GALNT17: variants seen among roughly 807,000 people sequenced by gnomAD.
GALNT17 encodes UDP-GalNAc:polypeptide N-acetylgalactosaminyltransferase-like 3.
Under a neutral mutation model 63.7 loss-of-function variants are expected in GALNT17, and 29 were observed. That is an observed-to-expected ratio of 0.46 (90% CI 0.34 to 0.62). The LOEUF (loss-of-function observed/expected upper bound fraction) is 0.62, where lower values mean the gene tolerates loss of function less well. Among genes scored for constraint, GALNT17 ranks in the 20% least tolerant of loss-of-function variants. The probability of loss-of-function intolerance (pLI) is 0.01; values close to 1 mark genes in which losing one functional copy is unlikely to be tolerated. For synonymous variants in GALNT17, 305 were observed against 318.3 expected (o/e 0.96, Z 0.45); for missense variants, 603 against 799.6 (o/e 0.75, Z 2.97).
intron 5 of GALNT17, among the ~76,000 whole-genome samples, chr7:71,492,074 G>A (rs988763545): frequency 5.3e-5 from 8 of 152,164 alleles, no homozygotes; most frequent in Admixed American, 1.3e-4. Flanking sequence ...GAGGTCAGGA[G>A]ATCGAGACCA....
chr7:71,553,904 G>C (rs1056062157), intron 5 of GALNT17, among the ~76,000 whole-genome samples: 2 of 152,168 alleles, frequency 1.3e-5, no homozygotes, highest in African/African-American at 4.8e-5. Context: ...CTCTTAAATA[G>C]TGCCTGGAAG....
At position 71,165,616 on chromosome 7, in the gene GALNT17, A is replaced by G. The variant is rs146284735; in HGVS notation, c.238+32576A>G. Among the ~76,000 whole-genome samples the G allele has an allele frequency of 6.1e-3, 926 of 152,322 alleles. 11 individuals are homozygous for G. The highest frequency in any genetic ancestry group is 0.02 in the African/African-American group (840 of 41,574). On this transcript the variant is annotated intron_variant, in intron 1 of 10. Coordinates refer to ENST00000333538, the MANE Select transcript of GALNT17 (RefSeq NM_022479.3). ...TCCCACCGGGTCCCTCATGGGACAC[A>G]TGGGAATTATGGAAGCTACAATTCA... is the stretch of plus-strand genomic sequence containing the variant.
intron 5 of GALNT17, among the ~76,000 whole-genome samples, chr7:71,458,225 A>G (rs547617452): frequency 2.0e-5 from 3 of 152,336 alleles, no homozygotes; most frequent in Non-Finnish European, 4.4e-5. Context: ...TGTTTGCTCC[A>G]GAACATAGAA....
intron 1 of GALNT17, among the ~76,000 whole-genome samples, chr7:71,193,454 C>CTTTTTTTTTTTTTTTTTTTTTTTTT (rs1159902249): frequency 9.3e-6 from 1 of 107,320 alleles, no homozygotes; most frequent in African/African-American, 3.6e-5. Context: ...ACGCTTTTGT[C>CTTTTTTTTTTTTTTTTTTTTTTTTT]TTTTTTTTTT....
intron 1 of GALNT17, among the ~76,000 whole-genome samples, chr7:71,258,495 CTG>C (rs998478322): frequency 2.0e-5 from 3 of 152,144 alleles, no homozygotes; most frequent in Admixed American, 6.5e-5. Flanking sequence ...ACACTGGACT[CTG>C]AGGATCTAAG....
intron 1 of GALNT17, among the ~76,000 whole-genome samples, chr7:71,143,767 C>CGGTG (rs1269799620): frequency 6.6e-6 from 1 of 151,822 alleles, no homozygotes; most frequent in Admixed American, 6.6e-5. Context: ...GGGCAGGGCA[C>CGGTG]GGTGGCTCAC....
intron 5 of GALNT17, among the ~76,000 whole-genome samples, chr7:71,536,521 C>T (rs1183828065): frequency 6.6e-6 from 1 of 152,130 alleles, no homozygotes; most frequent in African/African-American, 2.4e-5. Context: ...AGGTGAAAGG[C>T]ACTTCTTACA....
In GALNT17 at chr7:71,244,628, A is replaced by C. The variant is rs1790060846; in HGVS notation, c.239-90922A>C. On this transcript the variant is annotated intron_variant, in intron 1 of 10. Coordinates refer to ENST00000333538, the MANE Select transcript of GALNT17 (RefSeq NM_022479.3). Reference sequence around the variant, plus strand: ...ACAACTTTGTGGAAATGAAGATTTTAGAATGAAGGCAGAGACTGGGATCCC... The same window carrying C: ...ACAACTTTGTGGAAATGAAGATTTTCGAATGAAGGCAGAGACTGGGATCCC... 2.0e-5 allele frequency among the ~76,000 whole-genome samples: 3 copies of C among 152,218 alleles called. No individual in the cohort carries two copies. The South Asian group carries it at 6.2e-4, about 31-fold the overall frequency.
At chr7:71,594,549 C>T (rs1008901961) in intron 6 of GALNT17, among the ~76,000 whole-genome samples, 21 of 152,018 alleles carry the variant, frequency 1.4e-4, no homozygotes, top group Non-Finnish European at 2.6e-4. Flanking sequence ...CTCAGTCTCC[C>T]GAAGTGTTCA....
chr7:71,150,388 G>A (rs536674175), intron 1 of GALNT17, among the ~76,000 whole-genome samples: 31 of 152,188 alleles, frequency 2.0e-4, no homozygotes, highest in African/African-American at 7.5e-4. Flanking sequence ...AGTTAGATAG[G>A]GCCATGTGAT....
At chr7:71,527,875 C>G (rs1788651707) in intron 5 of GALNT17, among the ~76,000 whole-genome samples, 1 of 152,188 alleles carries the variant, frequency 6.6e-6, no homozygotes, top group East Asian at 1.9e-4. Context: ...CACATTTGCA[C>G]TCGCTTCACT....
At chr7:71,538,943 T>G (rs939625786) in intron 5 of GALNT17, among the ~76,000 whole-genome samples, 13 of 150,882 alleles carry the variant, frequency 8.6e-5, no homozygotes, top group Non-Finnish European at 1.0e-4. Context: ...TTTTGGGGGG[T>G]TTTTGTTTGT....
chr7:71,254,114 C>G (rs1217794390), intron 1 of GALNT17, among the ~76,000 whole-genome samples: 1 of 152,188 alleles, frequency 6.6e-6, no homozygotes, highest in Non-Finnish European at 1.5e-5. Context: ...CCACTCAAAG[C>G]TGAGGAGAGC....
intron 1 of GALNT17, among the ~76,000 whole-genome samples, chr7:71,139,728 C>T (rs983204138): frequency 6.6e-6 from 1 of 152,110 alleles, no homozygotes; most frequent in Non-Finnish European, 1.5e-5. Context: ...CACGGTGGCT[C>T]AAGCCTGTAA....
intron 6 of GALNT17, among the ~76,000 whole-genome samples, chr7:71,605,235 A>G (rs1385137132): frequency 6.6e-6 from 1 of 152,150 alleles, no homozygotes. Flanking sequence ...TTGCTCATGT[A>G]TTCAATATTT....
chr7:71,294,974 A>G (rs1370091333), intron 1 of GALNT17, among the ~76,000 whole-genome samples: 3 of 152,110 alleles, frequency 2.0e-5, no homozygotes, highest in African/African-American at 4.8e-5. Flanking sequence ...ATCAATATAT[A>G]ATGTCTCTGT....
At chr7:71,485,716 T>C (rs1488752081) in intron 5 of GALNT17, among the ~76,000 whole-genome samples, 1 of 152,230 alleles carries the variant, frequency 6.6e-6, no homozygotes, top group Non-Finnish European at 1.5e-5. Context: ...TTTATGGCCT[T>C]GTCATTCGCC....
At chr7:71,305,116 C>T (rs1223081667) in intron 1 of GALNT17, among the ~76,000 whole-genome samples, 1 of 152,220 alleles carries the variant, frequency 6.6e-6, no homozygotes, top group Non-Finnish European at 1.5e-5. Flanking sequence ...GCTATAGATA[C>T]AATTACAGAT....
At chr7:71,134,054 T>C (rs1787737041) in intron 1 of GALNT17, among the ~76,000 whole-genome samples, 1 of 152,248 alleles carries the variant, frequency 6.6e-6, no homozygotes, top group Admixed American at 6.5e-5. Context: ...TATCTCACTG[T>C]ATGTTCACAT....
Sources: gnomAD v4.1 joint callset for allele counts (sites outside exome capture counted in the v4.1 genomes callset) on GRCh38, gnomAD v4.1.1 for gene constraint, MANE v1.5 for transcripts, NCBI Gene and HGNC (gene_info 2026-07-23, HGNC 2026-07-21) for gene names.